The following PCID2 variants were observed in gnomAD, a reference collection of about 807,000 sequenced individuals.
PCID2 encodes PCI domain-containing protein 2.
Under a neutral mutation model 61.3 loss-of-function variants are expected in PCID2, and 41 were observed. The observed-to-expected ratio is 0.67, with a 90% confidence interval of 0.52 to 0.87. The LOEUF (loss-of-function observed/expected upper bound fraction) is 0.87, where lower values mean the gene tolerates loss of function less well. PCID2 is among the 40% of genes least tolerant of loss of function. PCID2 has a pLI of 0.00. For synonymous variants in PCID2, 187 were observed against 177.8 expected (o/e 1.05, Z -0.41); for missense variants, 392 against 493.4 (o/e 0.79, Z 1.95).
At chr13:113,196,686 T>C (rs533065381) in intron 4 of PCID2, among the ~76,000 whole-genome samples, 16 of 152,194 alleles carry the variant, frequency 1.1e-4, no homozygotes, top group East Asian at 5.8e-4. Flanking sequence ...AATCTAGAGA[T>C]ACATACAAAT....
intron 3 of PCID2, 66 bp from the exon 4 acceptor site, chr13:113,197,309 A>C (rs987476739): frequency 8.0e-6 from 9 of 1,130,692 alleles, no homozygotes; most frequent in African/African-American, 7.7e-5. Flanking sequence ...CAGCCCACAC[A>C]GCTCACTTCA....
At chr13:113,169,422 G>A in the PCID2 span, among the ~76,000 whole-genome samples, 2 of 152,116 alleles carry the variant, frequency 1.3e-5, no homozygotes, top group Non-Finnish European at 2.9e-5. Context: ...ACTCAGTTTT[G>A]GGATATTTTT....
downstream of PCID2, among the ~76,000 whole-genome samples, chr13:113,177,166 T>A (rs1265882429): frequency 2.0e-5 from 3 of 152,220 alleles, no homozygotes; most frequent in African/African-American, 7.2e-5. Context: ...AGACAGAGTT[T>A]CGCTCTTGTT....
the PCID2 span, chr13:113,171,735 T>A: frequency 3.1e-6 from 5 of 1,612,160 alleles, no homozygotes; most frequent in Non-Finnish European, 4.2e-6. This position sits in a 1 kb window ranked among gnomAD's most constrained non-coding sequence, Gnocchi z 5.1. Context: ...GGTGCGGGGC[T>A]CCCCGTGTGC....
chr13:113,181,220 G>T lies in PCID2; in HGVS notation c.696C>A (p.Tyr232Ter). 1 of 1,611,256 alleles carries T rather than the reference G, an allele frequency of 6.2e-7. No homozygotes were observed. Among genetic ancestry groups the T allele is most frequent in the African/African-American group, 1.3e-5 (1 of 74,972 alleles). ...FDSDFKQAEE[Y>*]LSFAFEHCHR... Reference sequence around the variant, plus strand: ...GACAATGCTCAAAGGCAAATGACAGGTACTCCTCAGCTGCAAAGAAGGCAG... The same window carrying T: ...GACAATGCTCAAAGGCAAATGACAGTTACTCCTCAGCTGCAAAGAAGGCAG... The change falls in exon 10 of 14, where the codon TAC becomes TAA. Residue 232 changes from tyrosine (Y) to a stop codon, truncating the protein, a stop_gained. Coordinates refer to ENST00000337344, the MANE Select transcript of PCID2 (RefSeq NM_001127202.4). LOFTEE classifies it high-confidence loss of function.
chr13:113,171,798 T>A, the PCID2 span: 2 of 1,613,432 alleles, frequency 1.2e-6, no homozygotes, highest in Non-Finnish European at 1.7e-6. The surrounding 1 kb of genome is among the most constrained non-coding windows in gnomAD (Gnocchi z 5.1). Context: ...ACCAGGGGCC[T>A]CCTCAGCGGC....
rs754165161 is a variant in PCID2 at position 113,185,485 on chromosome 13, C to T, written c.543G>A (p.Lys181=). ...AGAAAGGATTCAAACAGAAGCACAC[C>T]TTGAAGTAGATTTTAAACAGCTGGT... ...LVNQLFKIYF[K]INKLHLCKPL... is the part of the protein sequence containing the mutation. The change falls in exon 8 of 14, where the codon AAG becomes AAA. Residue 181 remains lysine (K), a splice_region_variant and synonymous_variant. Transcript: ENST00000337344. The T allele has an allele frequency of 1.9e-6, 3 of 1,607,428 alleles. No individual in the cohort carries two copies. The highest frequency in any genetic ancestry group is 1.7e-5 in the Admixed American group (1 of 60,008).
At chr13:113,200,323 T>G in intron 2 of PCID2, 104 bp downstream of exon 2, 1 of 717,016 alleles carries the variant, frequency 1.4e-6, no homozygotes, top group Non-Finnish European at 2.5e-6. Context: ...CAAATAAGAG[T>G]GACAATATTA....
At chr13:113,178,562 A>G (rs2037319901) in intron 13 of PCID2, 1 of 409,568 alleles carries the variant, frequency 2.4e-6, no homozygotes. Flanking sequence ...CCTTGCCGTG[A>G]TTCCCTAAAC....
intron 1 of PCID2, among the ~76,000 whole-genome samples, chr13:113,202,428 T>G (rs2039500109): frequency 6.6e-6 from 1 of 152,254 alleles, no homozygotes; most frequent in Non-Finnish European, 1.5e-5. Context: ...AGAAGGTATT[T>G]GTACTCGGCT....
intron 1 of PCID2, 170 bp from the exon 2 acceptor site, chr13:113,200,686 A>C: frequency 2.1e-6 from 1 of 476,006 alleles, no homozygotes; most frequent in East Asian, 3.6e-5. Flanking sequence ...CAGTGGGTAA[A>C]CAATAATTTC....
intron 13 of PCID2, chr13:113,178,525 T>C (rs2037313700): frequency 1.3e-5 from 6 of 460,250 alleles, no homozygotes; most frequent in South Asian, 1.3e-4. Flanking sequence ...AAAATGCATC[T>C]GTAATGAACA....
At chr13:113,196,896 T>C (rs2039055433) in intron 4 of PCID2, 5 of 750,138 alleles carry the variant, frequency 6.7e-6, no homozygotes, top group Admixed American at 4.2e-5. Flanking sequence ...TAAATATACT[T>C]ACTACCTTAC....
In PCID2 at chr13:113,198,257, G is replaced by A. The variant is rs779088147; in HGVS notation, c.134C>T (p.Ser45Phe). 3.1e-6 allele frequency: 5 copies of A among 1,594,394 alleles called. No individual in the cohort carries two copies. Among genetic ancestry groups the A allele is most frequent in the African/African-American group, 2.7e-5 (2 of 73,732 alleles). ...HVANPRLQMA[S>F]PEEKCQQVLE... ...GACTTGTTGACACTTCTCCTCTGGA[G>A]AGGCCATCTGATTTTAAAAAAGAAA... Residue 45 changes from serine (S) to phenylalanine (F), a missense_variant, in exon 3 of 14, where the codon TCT (serine) becomes TTT (phenylalanine). Coordinates refer to ENST00000337344, the MANE Select transcript of PCID2 (RefSeq NM_001127202.4).
At chr13:113,193,577 G>A (rs1314662239) in intron 6 of PCID2, among the ~76,000 whole-genome samples, 3 of 152,110 alleles carry the variant, frequency 2.0e-5, no homozygotes, top group Non-Finnish European at 4.4e-5. Flanking sequence ...TATTTAAAAA[G>A]TCAGTTATGT....
chr13:113,206,424 C>T (rs963023921), intron 1 of PCID2, among the ~76,000 whole-genome samples: 2 of 152,166 alleles, frequency 1.3e-5, no homozygotes, highest in African/African-American at 2.4e-5. Flanking sequence ...CATGTGGCAA[C>T]AGATAAAGAA....
intron 1 of PCID2, among the ~76,000 whole-genome samples, chr13:113,207,278 T>G (rs780294790): frequency 1.3e-5 from 2 of 152,262 alleles, no homozygotes; most frequent in Non-Finnish European, 1.5e-5. Flanking sequence ...CAGTTGTTTC[T>G]CTATAAGCTA....
intron 4 of PCID2, 71 bp downstream of exon 4, chr13:113,197,107 G>C: frequency 6.2e-7 from 1 of 1,614,158 alleles, no homozygotes; most frequent in Non-Finnish European, 8.5e-7. Flanking sequence ...CAGTGTTTCC[G>C]GGTCTCAAGT....
At chr13:113,182,654 C>T (rs775766346) in intron 9 of PCID2, among the ~76,000 whole-genome samples, 204 of 152,282 alleles carry the variant, frequency 1.3e-3, no homozygotes, top group Non-Finnish European at 2.2e-3. Context: ...CACCCACCAC[C>T]GTTGCCCAGC....
Sources: gnomAD v4.1 joint callset for allele counts (sites outside exome capture counted in the v4.1 genomes callset) on GRCh38, gnomAD v4.1.1 for gene constraint, Gnocchi (gnomAD v3.1) non-coding constraint, MANE v1.5 for transcripts, NCBI Gene and HGNC (gene_info 2026-07-23, HGNC 2026-07-21) for gene names.